The following VSTM1 variants were observed in gnomAD, a reference collection of about 807,000 sequenced individuals.
VSTM1 encodes the protein V-set and transmembrane domain-containing protein 1.
VSTM1 carries 27 observed loss-of-function variants against 33.1 expected under a neutral mutation model. The observed-to-expected ratio is 0.82, with a 90% CI of 0.60 to 1.12. VSTM1 has a LOEUF of 1.12. Ranked by LOEUF, VSTM1 falls within the 50% of genes most tolerant of loss-of-function variation. VSTM1 has a pLI of 0.00. For synonymous variants in VSTM1, 115 were observed against 110.3 expected (o/e 1.04, Z -0.27); for missense variants, 304 against 288.9 (o/e 1.05, Z -0.38).
chr19:54,051,364 G>A, intron 4 of VSTM1, 46 bp downstream of exon 4: 2 of 1,500,120 alleles, frequency 1.3e-6, no homozygotes, highest in African/African-American at 1.4e-5. Flanking sequence ...AGGTGATCAT[G>A]AAGCAGATCT....
chr19:54,050,068 G>A (rs1275714474), intron 4 of VSTM1, among the ~76,000 whole-genome samples: 1 of 140,760 alleles, frequency 7.1e-6, no homozygotes, highest in Non-Finnish European at 1.5e-5. Flanking sequence ...GTGTAATCTC[G>A]GCTCACTGCA....
chr19:54,057,473 C>G (rs1334549962), intron 3 of VSTM1, among the ~76,000 whole-genome samples: 1 of 150,978 alleles, frequency 6.6e-6, no homozygotes, highest in Admixed American at 6.6e-5. Context: ...TGTGTTCATG[C>G]CACTGCACTC....
intron 8 of VSTM1, 51 bp downstream of exon 8, chr19:54,041,728 G>T: frequency 1.3e-6 from 2 of 1,588,284 alleles, no homozygotes. Flanking sequence ...CACACGACCA[G>T]CCCATTGTGG....
At chr19:54,059,795 C>T (rs118129557) in intron 1 of VSTM1, among the ~76,000 whole-genome samples, 8,638 of 149,460 alleles carry the variant, frequency 0.058, 289 homozygotes, top group Admixed American at 0.1. Flanking sequence ...TTACCCTTGC[C>T]ACTTAAATAA....
In VSTM1 at chr19:54,054,299, T is replaced by G. The variant is rs2070982029; in HGVS notation, c.356-2851A>C. ...CAAATAATCGCGAGGCTTTTAGGGC[T>G]AAAGTGTGGGTGCAGAAATTCTTAA... is the stretch of plus-strand genomic sequence containing the variant. On this transcript the variant is annotated intron_variant, in intron 3 of 8. Coordinates refer to ENST00000338372, the MANE Select transcript of VSTM1 (RefSeq NM_198481.4). 1.4e-5 allele frequency among the ~76,000 whole-genome samples: 2 copies of G among 142,160 alleles called. 1 individual carries two copies. The highest frequency in any genetic ancestry group is 4.0e-4 in the East Asian group (2 of 5,036). 93.3% of individuals were successfully genotyped at this position (142,160 alleles called of 152,430 possible).
chr19:54,047,806 C>G lies in VSTM1; in HGVS notation c.394+3604G>C, dbSNP rs78781687. 1.9e-3 allele frequency among the ~76,000 whole-genome samples: 284 copies of G among 152,212 alleles called. 3 individuals carry two copies. Among genetic ancestry groups the G allele is most frequent in the Admixed American group, 0.015 (224 of 15,272 alleles). On this transcript the variant is annotated intron_variant, in intron 4 of 8. Transcript: ENST00000338372. ...TGCAAAATTCTCATCTTCATATGAC[C>G]CCATAATCAGCTGAACTGGGTTCAC...
intron 4 of VSTM1, among the ~76,000 whole-genome samples, chr19:54,044,800 A>G (rs1275197733): frequency 6.6e-6 from 1 of 152,192 alleles, no homozygotes; most frequent in Non-Finnish European, 1.5e-5. Context: ...GCGTTGAGGA[A>G]GAGAGAGCAA....
chr19:54,048,591 G>A (rs950602305), intron 4 of VSTM1, among the ~76,000 whole-genome samples: 2 of 152,152 alleles, frequency 1.3e-5, no homozygotes, highest in Non-Finnish European at 2.9e-5. Flanking sequence ...AATATAACAT[G>A]ATACAGCCAC....
intron 1 of VSTM1, among the ~76,000 whole-genome samples, chr19:54,060,692 T>C (rs1269030015): frequency 6.6e-6 from 1 of 152,048 alleles, no homozygotes; most frequent in Non-Finnish European, 1.5e-5. Flanking sequence ...GTGATTCCTA[T>C]ATTCTTTTTT....
intron 4 of VSTM1, among the ~76,000 whole-genome samples, chr19:54,050,628 C>G (rs1196327444): frequency 6.6e-6 from 1 of 152,088 alleles, no homozygotes; most frequent in Non-Finnish European, 1.5e-5. Context: ...TATCTCCCCT[C>G]ATCCTCCACC....
At chr19:54,042,786 G>A (rs1381442003) in intron 4 of VSTM1, among the ~76,000 whole-genome samples, 1 of 125,910 alleles carries the variant, frequency 7.9e-6, no homozygotes, top group Non-Finnish European at 1.7e-5. Context: ...GTATATATAT[G>A]TGTGTGTATA....
intron 1 of VSTM1, among the ~76,000 whole-genome samples, chr19:54,060,848 G>A (rs1191374147): frequency 2.0e-5 from 3 of 151,558 alleles, no homozygotes; most frequent in Non-Finnish European, 2.9e-5. Context: ...GCACCACCAC[G>A]CTGGCTGATT....
chr19:54,043,140 C>G (rs937672984), intron 4 of VSTM1, among the ~76,000 whole-genome samples: 1 of 151,924 alleles, frequency 6.6e-6, no homozygotes, highest in Non-Finnish European at 1.5e-5. Context: ...CTGGACATTT[C>G]GACCAATAGA....
At chr19:54,042,758 GTA>G (rs1255104546) in intron 4 of VSTM1, among the ~76,000 whole-genome samples, 8,987 of 121,934 alleles carry the variant, frequency 0.074, 362 homozygotes, top group Admixed American at 0.11. Flanking sequence ...GTGTGTGTGT[GTA>G]TATATATATA....
At chr19:54,051,248 C>T (rs376972331) in intron 4 of VSTM1, among the ~76,000 whole-genome samples, 162 bp downstream of exon 4, 4 of 152,074 alleles carry the variant, frequency 2.6e-5, no homozygotes, top group Non-Finnish European at 5.9e-5. Context: ...GCTGAGATTG[C>T]GCCACTGTAC....
intron 4 of VSTM1, among the ~76,000 whole-genome samples, chr19:54,050,394 A>G (rs2070780659): frequency 6.6e-6 from 1 of 152,030 alleles, no homozygotes; most frequent in African/African-American, 2.4e-5. Flanking sequence ...ATATTCACCT[A>G]TTTTTGAGAA....
At chr19:54,053,648 G>T (rs920583220) in intron 3 of VSTM1, among the ~76,000 whole-genome samples, 1 of 141,524 alleles carries the variant, frequency 7.1e-6, no homozygotes, top group African/African-American at 2.6e-5. Context: ...CACAGCCCTT[G>T]TTGACACCTT....
chr19:54,042,312 A>G lies in VSTM1; in HGVS notation c.452T>C (p.Leu151Pro). Reference sequence around the variant, plus strand: ...GCATCTGTAGATGATGAAGACTGAGAGGAAGAGGAGAAGGATGGAGATGCA... The same window carrying G: ...GCATCTGTAGATGATGAAGACTGAGGGGAAGAGGAGAAGGATGGAGATGCA... ...FSCISILLLFLSVFIIYRCSQ... is the reference protein window; with the variant it reads ...FSCISILLLFPSVFIIYRCSQ... Residue 151 changes from leucine (L) to proline (P), a missense_variant, in exon 5 of 9, where the codon CTC (leucine) becomes CCC (proline). By Grantham distance (98) the Leu-to-Pro change is moderately conservative (BLOSUM62 -3). Coordinates refer to ENST00000338372, the MANE Select transcript of VSTM1 (RefSeq NM_198481.4). 1.2e-6 allele frequency: 2 copies of G among 1,613,876 alleles called. No individual in the cohort carries two copies. Among genetic ancestry groups the G allele is most frequent in the Non-Finnish European group, 1.7e-6 (2 of 1,179,972 alleles).
chr19:54,043,153 T>C lies in VSTM1; in HGVS notation c.395-784A>G, dbSNP rs534681171. Among the ~76,000 whole-genome samples the C allele has an allele frequency of 2.6e-5, 4 of 151,938 alleles. No individual in the cohort carries two copies. In the South Asian group the frequency reaches 8.3e-4, roughly 32 times the overall value. On this transcript the variant is annotated intron_variant, in intron 4 of 8. Transcript: ENST00000338372. ...AGCTGGACATTTCGACCAATAGACT[T>C]TGAGTAAAGCAGATGACCCACTGTC...
Sources: allele counts gnomAD v4.1 joint callset (sites outside exome capture counted in the v4.1 genomes callset), GRCh38; gene constraint gnomAD v4.1.1; transcripts MANE v1.5; gene names NCBI Gene and HGNC (gene_info 2026-07-23, HGNC 2026-07-21).